TASOR: variants seen among roughly 807,000 people sequenced by gnomAD.
TASOR encodes protein TASOR.
TASOR carries 53 observed loss-of-function variants against 178.6 expected under a neutral mutation model. That is an observed-to-expected ratio of 0.30 (90% CI 0.24 to 0.37). The LOEUF (loss-of-function observed/expected upper bound fraction) is 0.37. TASOR is among the 10% of genes least tolerant of loss of function. The probability of loss-of-function intolerance (pLI) is 1.00; values close to 1 mark genes in which losing one functional copy is unlikely to be tolerated. For synonymous variants in TASOR, 713 were observed against 696.2 expected, an observed-to-expected ratio of 1.02 and a Z score of -0.38; for missense variants, 1,815 against 1,971.4, an observed-to-expected ratio of 0.92 and a Z score of 1.50.
At chr3:56,670,218 C>T in intron 3 of TASOR, 73 bp from the exon 4 acceptor site, 2 of 959,594 alleles carry the variant, frequency 2.1e-6, no homozygotes, top group Non-Finnish European at 3.0e-6. Context: ...ATTTTATAAA[C>T]TTGGTTTAAA....
chr3:56,675,167 A>G (rs1357654576), intron 1 of TASOR, among the ~76,000 whole-genome samples: 2 of 141,372 alleles, frequency 1.4e-5, no homozygotes, highest in Non-Finnish European at 3.0e-5. Flanking sequence ...ACCATTCTAC[A>G]TCCCACTGAA....
At position 56,620,850 on chromosome 3, in the gene TASOR, C is replaced by G. The variant is rs1443340602; in HGVS notation, c.*2187G>C. ...GCATCTAAGGTAAGGTTAGGACAGT[C>G]AAGATAAAATACTGGATGTTGGCCA... On this transcript the variant is annotated 3_prime_UTR_variant, in exon 24 of 24. Coordinates refer to ENST00000683822, the MANE Select transcript of TASOR (RefSeq NM_001365635.2). 1 of 152,334 alleles carries G rather than the reference C, an allele frequency of 6.6e-6. No individual in the cohort carries two copies. The highest frequency in any genetic ancestry group is 1.5e-5 in the Non-Finnish European group (1 of 68,244). 9.4% of individuals were successfully genotyped at this position (152,334 alleles called of 1,614,324 possible).
At position 56,649,045 on chromosome 3, in the gene TASOR, G is replaced by A. The variant is rs762905730; in HGVS notation, c.1381C>T (p.Pro461Ser). ...LDREKLVLVK[P>S]LGDRGYLFLL... is the part of the protein sequence containing the mutation. ...AAAAGGTATCCTCGGTCTCCCAAAG[G>A]TTTAACAAGAACCTGTATTTTGAGG... is the stretch of plus-strand genomic sequence containing the variant. Residue 461 changes from proline to serine, a missense_variant, in exon 12 of 24, where the codon CCT (proline) becomes TCT (serine). Physicochemically the swap from Pro to Ser is moderately conservative, Grantham distance 74. Transcript: ENST00000683822. The A allele has an allele frequency of 5.6e-6, 9 of 1,606,544 alleles. No homozygotes were observed. Among genetic ancestry groups the A allele is most frequent in the Non-Finnish European group, 6.8e-6 (8 of 1,177,684 alleles).
At chr3:56,658,085 C>G (rs2077510980) in intron 11 of TASOR, among the ~76,000 whole-genome samples, 2 of 152,144 alleles carry the variant, frequency 1.3e-5, no homozygotes, top group Non-Finnish European at 2.9e-5. Context: ...AATCAGTATT[C>G]CTCAATGCAC....
chr3:56,668,417 T>C lies in TASOR; in HGVS notation c.877A>G (p.Arg293Gly). 3 of 1,551,672 alleles carry C rather than the reference T, an allele frequency of 1.9e-6. No individual in the cohort carries two copies. Among genetic ancestry groups the C allele is most frequent in the Non-Finnish European group, 2.6e-6 (3 of 1,146,972 alleles). ...CCTACCTGAGTAAGCTCATAGGCTC[T>C]GTAAGCCAAAAGTGATGTAATTCGA... ...ANRITSLLAY[R>G]AYELTQYYFY... Residue 293 changes from arginine (R) to glycine (G), a missense_variant, in exon 6 of 24, where the codon AGA (arginine) becomes GGA (glycine). By Grantham distance (125) the Arg-to-Gly change is moderately radical. Around this residue, in one of 5 missense-constraint regions of TASOR, gnomAD observed 504 missense variants for 645.3 expected, o/e 0.78. Transcript: ENST00000683822.
intron 11 of TASOR, among the ~76,000 whole-genome samples, chr3:56,651,833 C>A (rs1346250029): frequency 1.3e-5 from 2 of 152,090 alleles, no homozygotes; most frequent in East Asian, 1.9e-4. Context: ...ACTATGAAAT[C>A]TTTAAAGACA....
At chr3:56,641,133 A>G (rs2077114937) in intron 15 of TASOR, among the ~76,000 whole-genome samples, 1 of 152,226 alleles carries the variant, frequency 6.6e-6, no homozygotes, top group African/African-American at 2.4e-5. Flanking sequence ...TGTAGACAAT[A>G]TATTAAGCTT....
intron 21 of TASOR, among the ~76,000 whole-genome samples, chr3:56,626,630 C>CT (rs1244902166): frequency 6.6e-6 from 1 of 151,994 alleles, no homozygotes; most frequent in African/African-American, 2.4e-5. Context: ...GTAATCTCAG[C>CT]TACTTGAGAG....
intron 19 of TASOR, 130 bp from the exon 20 acceptor site, chr3:56,627,871 A>T: frequency 4.2e-6 from 3 of 721,464 alleles, no homozygotes; most frequent in Non-Finnish European, 6.7e-6. Context: ...TTACCTCTGG[A>T]AAGCCACACA....
At chr3:56,668,356 AG>A (rs1212608838) in intron 6 of TASOR, 40 bp downstream of exon 6, 2 of 1,533,156 alleles carry the variant, frequency 1.3e-6, no homozygotes, top group South Asian at 2.4e-5. Flanking sequence ...GGTAACAAAC[AG>A]GTATGAGATC....
At position 56,623,513 on chromosome 3, in the gene TASOR, C is replaced by T. The variant is rs2076733708; in HGVS notation, c.4537G>A (p.Asp1513Asn). The T allele has an allele frequency of 6.2e-7, 1 of 1,609,132 alleles. No individual in the cohort carries two copies. Among genetic ancestry groups the T allele is most frequent in the African/African-American group, 1.3e-5 (1 of 74,786 alleles). The change falls in exon 24 of 24, where the codon GAT becomes AAT. Residue 1513 changes from aspartate to asparagine, a missense_variant. Transcript: ENST00000683822. ...DEEDMSLDSG[D>N]EISHIEVCSN... Reference sequence around the variant, plus strand: ...CATACTTCTATATGTGAGATTTCATCCCCTGAATCCAGAGACATATCCTCT... The same window carrying T: ...CATACTTCTATATGTGAGATTTCATTCCCTGAATCCAGAGACATATCCTCT...
intron 14 of TASOR, 58 bp downstream of exon 14, chr3:56,646,464 C>T: frequency 7.1e-7 from 1 of 1,407,324 alleles, no homozygotes; most frequent in Non-Finnish European, 9.6e-7. Flanking sequence ...CCCTCTGCTA[C>T]AAGAAAGAAC....
intron 1 of TASOR, among the ~76,000 whole-genome samples, chr3:56,679,836 T>C (rs1428694546): frequency 6.6e-6 from 1 of 152,208 alleles, no homozygotes; most frequent in East Asian, 1.9e-4. Context: ...TTCTACAATT[T>C]GGTTAAATTC....
chr3:56,653,391 T>G lies in TASOR; in HGVS notation c.1369-4334A>C, dbSNP rs537992188. 1.1e-3 allele frequency among the ~76,000 whole-genome samples: 148 copies of G among 129,610 alleles called. 1 individual carries two copies. Among genetic ancestry groups the G allele is most frequent in the African/African-American group, 3.8e-3 (133 of 34,798 alleles). The allele number at this position is 129,610 out of a possible 152,430, so 85.0% of individuals were successfully genotyped here. A position where few individuals can be genotyped will look rare whatever the true frequency, so the allele number is the denominator to read the frequency against. On this transcript the variant is annotated intron_variant, in intron 11 of 23. Coordinates refer to ENST00000683822, the MANE Select transcript of TASOR (RefSeq NM_001365635.2). Reference sequence around the variant, plus strand: ...TCCACAGATATGAAAGGAAAAGATATACCAAGCTGGATAAATAGAAATCTA... The same window carrying G: ...TCCACAGATATGAAAGGAAAAGATAGACCAAGCTGGATAAATAGAAATCTA...
chr3:56,655,892 T>C (rs2077458226), intron 11 of TASOR, among the ~76,000 whole-genome samples: 1 of 152,188 alleles, frequency 6.6e-6, no homozygotes, highest in African/African-American at 2.4e-5. Context: ...TACTCACCCT[T>C]CTTATGATGA....
intron 21 of TASOR, among the ~76,000 whole-genome samples, chr3:56,625,917 C>G (rs1420357596): frequency 6.6e-6 from 1 of 152,076 alleles, no homozygotes; most frequent in African/African-American, 2.4e-5. Context: ...CCACCGTGCC[C>G]GGCCAGCTCT....
intron 18 of TASOR, among the ~76,000 whole-genome samples, chr3:56,630,268 C>T (rs1289733092): frequency 6.6e-6 from 1 of 152,146 alleles, no homozygotes; most frequent in Non-Finnish European, 1.5e-5. Context: ...AAGCTTTAAG[C>T]TCATTTTAAA....
At chr3:56,658,071 T>C (rs1396323740) in intron 11 of TASOR, among the ~76,000 whole-genome samples, 1 of 152,208 alleles carries the variant, frequency 6.6e-6, no homozygotes, top group Admixed American at 6.5e-5. Flanking sequence ...GGACAAAATT[T>C]AAAAATCAGT....
At position 56,627,089 on chromosome 3, in the gene TASOR, AT is replaced by A; in HGVS notation, c.4086del (p.Lys1362AsnfsTer14). ...AATTTACAGTGGACTTTCCATTGCCATTTTCCTTCTGGAGTACTAAGTTCCT... is the reference window on the plus strand; with the variant it reads ...AATTTACAGTGGACTTTCCATTGCCATTTCCTTCTGGAGTACTAAGTTCCT... ...FLEELSTPEG[K>X]WQWKVHCKFQ... On this transcript the variant is annotated frameshift_variant, in exon 21 of 24. Transcript: ENST00000683822. LOFTEE classifies it high-confidence loss of function. The A allele has an allele frequency of 6.2e-7, 1 of 1,613,220 alleles. No individual in the cohort carries two copies. Among genetic ancestry groups the A allele is most frequent in the Admixed American group, 1.7e-5 (1 of 59,924 alleles).
Sources: gnomAD v4.1 joint callset for allele counts (sites outside exome capture counted in the v4.1 genomes callset) on GRCh38, gnomAD v4.1.1 for gene constraint, gnomAD v4.1.1 regional missense constraint, MANE v1.5 for transcripts, NCBI Gene and HGNC (gene_info 2026-07-23, HGNC 2026-07-21) for gene names.